The following ABI3BP variants were observed in gnomAD, a reference collection of about 807,000 sequenced individuals.
ABI3BP encodes the protein ABI family member 3 binding protein.
ABI3BP carries 216 observed loss-of-function variants against 268.6 expected under a neutral mutation model. That is an observed-to-expected ratio of 0.80 (90% CI 0.72 to 0.90). The LOEUF (loss-of-function observed/expected upper bound fraction) is 0.90. Among genes scored for constraint, ABI3BP ranks in the 40% least tolerant of loss-of-function variants. The pLI is 0.00. For synonymous variants in ABI3BP, 730 were observed against 730.0 expected (o/e 1.00, Z 0.00); for missense variants, 2,090 against 2,182.4 (o/e 0.96, Z 0.84).
intron 63 of ABI3BP, among the ~76,000 whole-genome samples, chr3:100,758,822 G>A (rs984596228): frequency 3.3e-5 from 5 of 152,152 alleles, no homozygotes; most frequent in East Asian, 1.9e-4. Context: ...CAAAAAGTGT[G>A]ACCTGTGGCT....
chr3:100,891,830 T>C (rs1233684438), intron 4 of ABI3BP, among the ~76,000 whole-genome samples: 1 of 152,234 alleles, frequency 6.6e-6, no homozygotes, highest in South Asian at 2.1e-4. Flanking sequence ...AAGCAAGTGG[T>C]ATTCTGCAGT....
chr3:100,851,695 G>GTAAAGAAC (rs1456491462), intron 15 of ABI3BP, among the ~76,000 whole-genome samples, 180 bp downstream of exon 15: 1 of 152,194 alleles, frequency 6.6e-6, no homozygotes, highest in Non-Finnish European at 1.5e-5. Context: ...ACTGAGAGAT[G>GTAAAGAAC]TAAAGAACTA....
intron 31 of ABI3BP, 70 bp downstream of exon 31, chr3:100,832,194 G>T: frequency 2.1e-6 from 3 of 1,398,508 alleles, no homozygotes; most frequent in Non-Finnish European, 2.9e-6. Context: ...TAGATTATAT[G>T]TACATAGAAC....
At chr3:100,884,702 C>T (rs991539322) in intron 6 of ABI3BP, among the ~76,000 whole-genome samples, 8 of 151,894 alleles carry the variant, frequency 5.3e-5, no homozygotes, top group Non-Finnish European at 7.4e-5. Context: ...AGTCTTTGCA[C>T]GTTCATTTGA....
At chr3:100,752,112 T>C (rs2095364661) in intron 66 of ABI3BP, among the ~76,000 whole-genome samples, 1 of 152,230 alleles carries the variant, frequency 6.6e-6, no homozygotes, top group Admixed American at 6.5e-5. Context: ...CCTTAGCTAG[T>C]GCTAACTAAC....
In ABI3BP at chr3:100,848,671, C is replaced by T. The variant is rs2098803906; in HGVS notation, c.1576+130G>A. On this transcript the variant is annotated intron_variant, in intron 18 of 67. Coordinates refer to ENST00000471714, the MANE Select transcript of ABI3BP (RefSeq NM_001375547.2). ...CAAATTCCTAGCCTCAAGTGATCCT[C>T]CTGCCTTGGCCTCCCAAAGTGCTGG... The T allele has an allele frequency of 7.4e-6, 6 of 812,656 alleles. No individual in the cohort carries two copies. In the South Asian group the frequency reaches 8.8e-5, roughly 12 times the overall value. The allele number at this position is 812,656 out of a possible 1,614,324, so 50.3% of individuals were successfully genotyped here.
At position 100,832,332 on chromosome 3, in the gene ABI3BP, TTTG is replaced by T. The variant is rs140530036; in HGVS notation, c.2330_2332del (p.Thr777del). The stretch of plus-strand genomic sequence containing the variant: ...TTTGGGATGTGGACGACGGGTTCTT[TTTG>T]TTGTTGTTGTTGGAGCTGAAGGAAG... On this transcript the variant is annotated inframe_deletion, in exon 31 of 68. Transcript: ENST00000471714. 8,083 of 1,535,162 alleles carry T rather than the reference TTTG, an allele frequency of 5.3e-3. 297 individuals carry two copies. The African/African-American group carries it at 0.087, about 17-fold the overall frequency.
intron 19 of ABI3BP, 35 bp from the exon 20 acceptor site, chr3:100,846,481 C>T: frequency 6.7e-7 from 1 of 1,482,626 alleles, no homozygotes; most frequent in Non-Finnish European, 9.2e-7. Flanking sequence ...ATAAACAAAT[C>T]AATATTTAGG....
At chr3:100,841,044 C>CA (rs1206045835) in intron 21 of ABI3BP, among the ~76,000 whole-genome samples, 186 bp from the exon 22 acceptor site, 2 of 151,270 alleles carry the variant, frequency 1.3e-5, no homozygotes, top group African/African-American at 4.9e-5. Flanking sequence ...ACAAAGCGAA[C>CA]AAAAAAATGT....
chr3:100,869,961 C>CT (rs2099094256), intron 9 of ABI3BP, among the ~76,000 whole-genome samples: 1 of 152,088 alleles, frequency 6.6e-6, no homozygotes, highest in African/African-American at 2.4e-5. Context: ...GTAATCCTAA[C>CT]TTTTTTGTTT....
At chr3:100,984,894 G>A (rs2153971692) in intron 1 of ABI3BP, among the ~76,000 whole-genome samples, 1 of 152,258 alleles carries the variant, frequency 6.6e-6, no homozygotes, top group South Asian at 2.1e-4. Context: ...AACAGTCTAT[G>A]AGAGTCTGAG....
chr3:100,835,156 A>G (rs1353505866), intron 28 of ABI3BP, among the ~76,000 whole-genome samples: 1 of 152,204 alleles, frequency 6.6e-6, no homozygotes, highest in Admixed American at 6.5e-5. Context: ...ACATTCCATT[A>G]CAAGTTATTA....
At position 100,824,872 on chromosome 3, in the gene ABI3BP, G is replaced by A; in HGVS notation, c.2732C>T (p.Pro911Leu). 2 of 1,536,050 alleles carry A rather than the reference G, an allele frequency of 1.3e-6. No homozygotes were observed. The highest frequency in any genetic ancestry group is 1.7e-6 in the Non-Finnish European group (2 of 1,146,630). Residue 911 changes from proline (P) to leucine (L), a missense_variant, in exon 36 of 68, where the codon CCT becomes CTT. Transcript: ENST00000471714. ...CACAGATTTACCAGGTTTGGTCTCA[G>A]GTGCCTGAGGGCTCGGTGTAGTTTT... is the stretch of plus-strand genomic sequence containing the variant. ...RPKTTPSPQA[P>L]ETKPVPATVL...
chr3:100,765,734 G>T, intron 63 of ABI3BP, 107 bp downstream of exon 63: 1 of 867,402 alleles, frequency 1.2e-6, no homozygotes, highest in Non-Finnish European at 1.8e-6. Flanking sequence ...TGAAATGGAA[G>T]CTAGAGCCAC....
Position 100,752,867 on chromosome 3 carries a change from C to G in ABI3BP, c.5042G>C (p.Arg1681Thr). Residue 1681 changes from arginine (R) to threonine (T), a missense_variant, in exon 66 of 68, where the codon AGG becomes ACG. Arg to Thr is a moderately conservative substitution (Grantham distance 71). Transcript: ENST00000471714. ...TCCTACAAATTTTTTATACCATGTCCTTTTGACATATTGTTTGCCCTTACA... is the reference window on the plus strand; with the variant it reads ...TCCTACAAATTTTTTATACCATGTCGTTTTGACATATTGTTTGCCCTTACA... ...SECKGKQYVKRTWYKKFVGVQ... is the reference protein window; with the variant it reads ...SECKGKQYVKTTWYKKFVGVQ... The G allele has an allele frequency of 6.2e-7, 1 of 1,613,544 alleles. No homozygotes were observed. The highest frequency in any genetic ancestry group is 8.5e-7 in the Non-Finnish European group (1 of 1,179,726).
intron 17 of ABI3BP, among the ~76,000 whole-genome samples, chr3:100,849,127 C>CAT (rs2098809665): frequency 7.2e-6 from 1 of 139,312 alleles, no homozygotes; most frequent in Admixed American, 7.2e-5. Context: ...GAAGTGAGCA[C>CAT]CCTTGAGGCA....
chr3:100,783,434 C>T (rs986470814), intron 57 of ABI3BP, among the ~76,000 whole-genome samples: 15 of 152,088 alleles, frequency 9.9e-5, no homozygotes, highest in African/African-American at 3.6e-4. Flanking sequence ...TTACACTTTG[C>T]CTAGTACATA....
intron 50 of ABI3BP, among the ~76,000 whole-genome samples, chr3:100,806,911 C>T (rs1006960578): frequency 2.0e-5 from 3 of 152,122 alleles, no homozygotes; most frequent in Non-Finnish European, 2.9e-5. Flanking sequence ...TTTACTATAC[C>T]GCATTTTAGT....
At chr3:100,971,494 C>A (rs769354084) in intron 1 of ABI3BP, among the ~76,000 whole-genome samples, 3 of 152,134 alleles carry the variant, frequency 2.0e-5, no homozygotes, top group Non-Finnish European at 4.4e-5. Flanking sequence ...TAGTCTGGAG[C>A]TGACAGCATT....
Sources: gnomAD v4.1 joint callset for allele counts (sites outside exome capture counted in the v4.1 genomes callset) on GRCh38, gnomAD v4.1.1 for gene constraint, MANE v1.5 for transcripts, NCBI Gene and HGNC (gene_info 2026-07-23, HGNC 2026-07-21) for gene names.